Variants in CRLS1 observed in about 807,000 individuals in gnomAD.
CRLS1 encodes cardiolipin synthase 1.
In CRLS1, 24 loss-of-function variants were observed where a neutral mutation model predicts 37.0. That is an observed-to-expected ratio of 0.65 (90% CI 0.47 to 0.91). CRLS1 has a LOEUF of 0.91. Ranked by LOEUF, CRLS1 falls within the 40% of genes least tolerant of loss-of-function variation. The probability of loss-of-function intolerance (pLI) is 0.00; values close to 1 mark genes in which losing one functional copy is unlikely to be tolerated. For missense variants in CRLS1, 373 were observed against 395.8 expected (o/e 0.94, Z 0.49); for synonymous variants, 135 against 159.7 (o/e 0.85, Z 1.17).
At chr20:6,014,998 C>T (rs868652413) in intron 2 of CRLS1, among the ~76,000 whole-genome samples, 6 of 152,138 alleles carry the variant, frequency 3.9e-5, no homozygotes, top group South Asian at 2.1e-4. Context: ...CAGGCTCTGC[C>T]GTTCATGCTT....
intron 1 of CRLS1, 32 bp from the exon 2 acceptor site, chr20:6,009,743 T>A (rs972664364): frequency 1.9e-6 from 3 of 1,584,372 alleles, no homozygotes; most frequent in South Asian, 2.3e-5. Context: ...TTCATAGTAT[T>A]TTACTTAAAT....
chr20:6,038,432 G>C lies in CRLS1; in HGVS notation c.*1274G>C, dbSNP rs1362070090. The C allele has an allele frequency of 6.6e-6, 1 of 152,348 alleles. No homozygotes were observed. Among genetic ancestry groups the C allele is most frequent in the Non-Finnish European group, 1.5e-5 (1 of 68,074 alleles). 9.4% of individuals were successfully genotyped at this position (152,348 alleles called of 1,614,324 possible). A position where few individuals can be genotyped will look rare whatever the true frequency, so the allele number is the denominator to read the frequency against. On this transcript the variant is annotated 3_prime_UTR_variant, in exon 7 of 7. Coordinates refer to ENST00000378863, the MANE Select transcript of CRLS1 (RefSeq NM_019095.6). ...CTCATGCCTCTTGGCCAGGCATTCT[G>C]CACCAGCGTGTCCCTCTGTGGCTTG...
chr20:6,027,481 C>G (rs1203848529), intron 3 of CRLS1, among the ~76,000 whole-genome samples: 1 of 152,128 alleles, frequency 6.6e-6, no homozygotes, highest in Non-Finnish European at 1.5e-5. Context: ...AGTCTTGGCT[C>G]ACTGCAACCT....
intron 3 of CRLS1, among the ~76,000 whole-genome samples, chr20:6,024,380 G>T (rs77382669): frequency 1.3e-5 from 2 of 152,154 alleles, no homozygotes; most frequent in African/African-American, 4.8e-5. Flanking sequence ...CAGTGAACCC[G>T]TCAGAGTCAT....
intron 3 of CRLS1, among the ~76,000 whole-genome samples, chr20:6,016,978 C>G (rs1978807552): frequency 6.6e-6 from 1 of 151,588 alleles, no homozygotes; most frequent in Non-Finnish European, 1.5e-5. Flanking sequence ...TTTTTTTTAT[C>G]TTTTATCTTT....
intron 2 of CRLS1, among the ~76,000 whole-genome samples, chr20:6,013,260 C>G (rs1239901089): frequency 6.9e-6 from 1 of 145,812 alleles, no homozygotes; most frequent in Non-Finnish European, 1.5e-5. Flanking sequence ...TCGTGTTGCC[C>G]AGGTTGGCCT....
chr20:6,029,802 TC>T (rs1210879246), intron 3 of CRLS1, among the ~76,000 whole-genome samples: 1 of 152,240 alleles, frequency 6.6e-6, no homozygotes, highest in African/African-American at 2.4e-5. Flanking sequence ...TCTTGTTTGC[TC>T]CAAATGCCGT....
At chr20:6,016,454 G>GGTGTGTGTGT (rs61011560) in intron 3 of CRLS1, among the ~76,000 whole-genome samples, 3 of 114,610 alleles carry the variant, frequency 2.6e-5, no homozygotes, top group African/African-American at 8.9e-5. Context: ...GGGGAATGGG[G>GGTGTGTGTGT]GTGTGTGTGT....
chr20:6,034,350 A>C, intron 5 of CRLS1, 114 bp from the exon 6 acceptor site: 2 of 669,310 alleles, frequency 3.0e-6, no homozygotes, highest in Non-Finnish European at 2.6e-6. Context: ...ATGAACAGCA[A>C]GCATGCTGAG....
Position 6,015,473 on chromosome 20 carries a change from A to T in CRLS1, c.557A>T (p.Tyr186Phe), listed in dbSNP as rs766652713. The part of the protein sequence containing the change: ...LISILYVSLT[Y>F]ADLIPVPLTY... ...AGTATCTTATATGTTAGCTTGACCT[A>T]TGCAGATCTTATTCCAGGTAAGAAC... The change falls in exon 3 of 7, where the codon TAT becomes TTT. Residue 186 changes from tyrosine (Y) to phenylalanine (F), a missense_variant. By Grantham distance (22) the Tyr-to-Phe change is conservative. Coordinates refer to ENST00000378863, the MANE Select transcript of CRLS1 (RefSeq NM_019095.6). 6 of 1,613,504 alleles carry T rather than the reference A, an allele frequency of 3.7e-6. No homozygotes were observed. In the South Asian group the frequency reaches 6.6e-5, roughly 18 times the overall value.
In CRLS1 at chr20:6,036,202, G is replaced by A. The variant is rs114441151; in HGVS notation, c.822-872G>A. Reference sequence around the variant, plus strand: ...TGGCCTCAAACAATCCTCCTGCCTCGGCCTGCCAAAGTGGTAGGATTATAG... The same window carrying A: ...TGGCCTCAAACAATCCTCCTGCCTCAGCCTGCCAAAGTGGTAGGATTATAG... On this transcript the variant is annotated intron_variant, in intron 6 of 6. Transcript: ENST00000378863. 2.2e-3 allele frequency among the ~76,000 whole-genome samples: 328 copies of A among 152,204 alleles called. 1 individual carries two copies. The highest frequency in any genetic ancestry group is 7.4e-3 in the African/African-American group (309 of 41,508).
At chr20:6,011,345 C>T (rs1198928211) in intron 2 of CRLS1, among the ~76,000 whole-genome samples, 1 of 151,988 alleles carries the variant, frequency 6.6e-6, no homozygotes, top group East Asian at 1.9e-4. Flanking sequence ...AAACAAAATT[C>T]CACCTTCCTA....
In CRLS1 at chr20:6,036,695, TTGGAGGATGAGTCCTTC is replaced by T. The variant is rs796697464; in HGVS notation, c.822-351_822-335del. Among the ~76,000 whole-genome samples the T allele has an allele frequency of 2.3e-3, 345 of 152,226 alleles. 1 individual carries two copies. The highest frequency in any genetic ancestry group is 7.6e-3 in the African/African-American group (317 of 41,546). On this transcript the variant is annotated intron_variant, in intron 6 of 6. Transcript: ENST00000378863. ...CATTTCCCCCTTCTGGAGAAGTCCT[TTGGAGGATGAGTCCTTC>T]TGGAGGATGAGTCCTTCTGGAGGAT...
intron 3 of CRLS1, among the ~76,000 whole-genome samples, chr20:6,016,531 C>T (rs952348009): frequency 4.9e-4 from 74 of 152,100 alleles, no homozygotes; most frequent in Non-Finnish European, 1.0e-4. Context: ...CCTCCCACCT[C>T]GGCCTCCCAA....
chr20:6,013,121 G>A (rs1978462763), intron 2 of CRLS1, among the ~76,000 whole-genome samples: 1 of 151,844 alleles, frequency 6.6e-6, no homozygotes, highest in African/African-American at 2.4e-5. Context: ...GATATATACT[G>A]GGGAATTATA....
At chr20:6,019,138 G>A (rs1190912867) in intron 3 of CRLS1, among the ~76,000 whole-genome samples, 1 of 152,054 alleles carries the variant, frequency 6.6e-6, no homozygotes, top group Admixed American at 6.5e-5. Flanking sequence ...ATCTGTTAAA[G>A]CCGTTGAGGC....
At position 6,006,324 on chromosome 20, in the gene CRLS1, T is replaced by A; in HGVS notation, c.78T>A (p.Ser26Arg). Residue 26 changes from serine to arginine, a missense_variant, in exon 1 of 7, where the codon AGT becomes AGA. Transcript: ENST00000378863. Reference sequence around the variant, plus strand: ...CTTGGGCTCCGGGAACGCGGCCGAGTAAGCGACGCGCCTGCTGGGCCCTGC... The same window carrying A: ...CTTGGGCTCCGGGAACGCGGCCGAGAAAGCGACGCGCCTGCTGGGCCCTGC... ...GAAWAPGTRP[S>R]KRRACWALLP... 7.4e-7 allele frequency: 1 copy of A among 1,343,350 alleles called. No homozygotes were observed. The highest frequency in any genetic ancestry group is 1.5e-5 in the African/African-American group (1 of 66,072). 83.2% of individuals were successfully genotyped at this position (1,343,350 alleles called of 1,614,324 possible). A position where few individuals can be genotyped will look rare whatever the true frequency, so the allele number is the denominator to read the frequency against.
At chr20:6,021,507 G>A (rs1028385830) in intron 3 of CRLS1, among the ~76,000 whole-genome samples, 16 of 152,038 alleles carry the variant, frequency 1.1e-4, no homozygotes, top group Non-Finnish European at 4.4e-5. Flanking sequence ...ATATTTTGTG[G>A]GTTCTTAAGC....
chr20:6,008,832 C>G (rs912388258), intron 1 of CRLS1, among the ~76,000 whole-genome samples: 18 of 152,238 alleles, frequency 1.2e-4, no homozygotes, highest in Admixed American at 1.2e-3. Flanking sequence ...AGCTGAATGC[C>G]TGGAGTTGAT....
Sources: gnomAD v4.1 joint callset for allele counts (sites outside exome capture counted in the v4.1 genomes callset) on GRCh38, gnomAD v4.1.1 for gene constraint, MANE v1.5 for transcripts, NCBI Gene and HGNC (gene_info 2026-07-23, HGNC 2026-07-21) for gene names.